The following SLC24A2 variants were observed in gnomAD, a reference collection of about 807,000 sequenced individuals.
SLC24A2 encodes the protein solute carrier family 24 member 2.
Under a neutral mutation model 62.0 loss-of-function variants are expected in SLC24A2, and 36 were observed. The ratio of observed to expected loss-of-function variants is 0.58; its 90% CI spans 0.44 to 0.77. SLC24A2 has a LOEUF of 0.77. Ranked by LOEUF, SLC24A2 falls within the 30% of genes least tolerant of loss-of-function variation. SLC24A2 has a pLI of 0.00. For synonymous variants in SLC24A2, 358 were observed against 294.0 expected (o/e 1.22, Z -2.23); for missense variants, 846 against 817.9 (o/e 1.03, Z -0.42).
chr9:19,795,931 T>C, the SLC24A2 span, among the ~76,000 whole-genome samples: 1 of 74,418 alleles, frequency 1.3e-5, no homozygotes, highest in Non-Finnish European at 5.0e-5. Context: ...CATGGAATAA[T>C]ATACAGCCAT....
Position 19,788,994 on chromosome 9 carries a change from C to A in SLC24A2, c.-263G>T. The A allele has an allele frequency of 2.1e-6, 2 of 962,994 alleles. No individual in the cohort carries two copies. The highest frequency in any genetic ancestry group is 2.5e-6 in the Non-Finnish European group (2 of 809,420). The allele number at this position is 962,994 out of a possible 1,614,324, so 59.7% of individuals were successfully genotyped here. ...TCTGAGGCCCGGGCTCTGGCTCGCA[C>A]TGGCTGCCGCTCTCGCCAGCCGGGC... is the stretch of plus-strand genomic sequence containing the variant. On this transcript the variant is annotated 5_prime_UTR_variant, in exon 1 of 11. Coordinates refer to ENST00000341998, the MANE Select transcript of SLC24A2 (RefSeq NM_020344.4).
At chr9:20,208,425 G>A in the SLC24A2 span, among the ~76,000 whole-genome samples, 11 of 152,174 alleles carry the variant, frequency 7.2e-5, no homozygotes, top group African/African-American at 2.4e-4. Context: ...CCATGATTCC[G>A]GGTGGTCTGT....
chr9:19,727,172 G>C (rs1220683714), intron 2 of SLC24A2, among the ~76,000 whole-genome samples: 1 of 152,138 alleles, frequency 6.6e-6, no homozygotes, highest in Non-Finnish European at 1.5e-5. Context: ...AAGCAAATCT[G>C]CTGGCATTTA....
At chr9:19,602,095 G>C (rs1162869180) in intron 4 of SLC24A2, among the ~76,000 whole-genome samples, 1 of 152,194 alleles carries the variant, frequency 6.6e-6, no homozygotes, top group African/African-American at 2.4e-5. Flanking sequence ...GGAGTCAATA[G>C]ATATGGGTTC....
At chr9:19,837,310 G>T in the SLC24A2 span, among the ~76,000 whole-genome samples, 1 of 150,838 alleles carries the variant, frequency 6.6e-6, no homozygotes, top group Admixed American at 6.6e-5. Flanking sequence ...AAATTAGCCG[G>T]GTGCGGTGGC....
At chr9:19,694,994 C>G (rs1393706469) in intron 2 of SLC24A2, among the ~76,000 whole-genome samples, 1 of 141,112 alleles carries the variant, frequency 7.1e-6, no homozygotes, top group Admixed American at 8.0e-5. Context: ...GAGAGAAGGC[C>G]GTTGGGGATT....
intron 2 of SLC24A2, among the ~76,000 whole-genome samples, chr9:19,729,306 A>G (rs1171257844): frequency 6.6e-6 from 1 of 152,222 alleles, no homozygotes; most frequent in Non-Finnish European, 1.5e-5. Context: ...GGAAAATAGT[A>G]TGGAGGTTCC....
chr9:19,909,077 T>G, the SLC24A2 span, among the ~76,000 whole-genome samples: 1 of 152,062 alleles, frequency 6.6e-6, no homozygotes, highest in African/African-American at 2.4e-5. Context: ...GACTTGGAAC[T>G]AACCCAAATG....
At chr9:20,240,556 G>C in the SLC24A2 span, among the ~76,000 whole-genome samples, 2 of 152,198 alleles carry the variant, frequency 1.3e-5, no homozygotes, top group Non-Finnish European at 2.9e-5. Flanking sequence ...GCCAAACTAA[G>C]CAGCTTCCTT....
chr9:20,301,896 C>T, the SLC24A2 span, among the ~76,000 whole-genome samples: 28 of 152,262 alleles, frequency 1.8e-4, no homozygotes, highest in East Asian at 3.1e-3. Context: ...TGTACTCTGC[C>T]TATTCACCTC....
the SLC24A2 span, among the ~76,000 whole-genome samples, chr9:19,882,566 C>T: frequency 3.3e-5 from 5 of 151,734 alleles, no homozygotes; most frequent in African/African-American, 9.7e-5. Context: ...ATGGAAATCA[C>T]AGTCCTGACT....
At chr9:20,208,004 C>G in the SLC24A2 span, among the ~76,000 whole-genome samples, 1 of 152,168 alleles carries the variant, frequency 6.6e-6, no homozygotes, top group African/African-American at 2.4e-5. Context: ...AGAACCTCTG[C>G]CTTCAATGGA....
At chr9:19,684,038 G>C (rs1819801053) in intron 2 of SLC24A2, among the ~76,000 whole-genome samples, 1 of 152,126 alleles carries the variant, frequency 6.6e-6, no homozygotes, top group South Asian at 2.1e-4. Context: ...GAACTCACTG[G>C]ATTGAAAGAA....
At chr9:20,086,304 G>C in the SLC24A2 span, among the ~76,000 whole-genome samples, 91 of 152,178 alleles carry the variant, frequency 6.0e-4, no homozygotes, top group African/African-American at 2.1e-3. Flanking sequence ...CACATGGCCC[G>C]TATTTCCAGT....
chr9:20,223,823 C>A, the SLC24A2 span, among the ~76,000 whole-genome samples: 11 of 152,070 alleles, frequency 7.2e-5, no homozygotes, highest in South Asian at 2.1e-4. Flanking sequence ...TCTGTTTTCA[C>A]ACTGCTATAA....
At chr9:20,005,302 T>C in the SLC24A2 span, among the ~76,000 whole-genome samples, 5 of 152,284 alleles carry the variant, frequency 3.3e-5, no homozygotes, top group African/African-American at 1.2e-4. Context: ...GGGGCAAAGA[T>C]GACTAACCTC....
At chr9:20,242,206 G>T in the SLC24A2 span, among the ~76,000 whole-genome samples, 1 of 152,120 alleles carries the variant, frequency 6.6e-6, no homozygotes, top group Non-Finnish European at 1.5e-5. Context: ...CAGTCTACCA[G>T]TCCATAAAAT....
chr9:19,696,962 C>T (rs540343075), intron 2 of SLC24A2, among the ~76,000 whole-genome samples: 2 of 152,060 alleles, frequency 1.3e-5, no homozygotes, highest in African/African-American at 4.8e-5. Flanking sequence ...TATAATAGAT[C>T]CCAATACATC....
the SLC24A2 span, among the ~76,000 whole-genome samples, chr9:19,894,841 A>G: frequency 1.3e-5 from 2 of 152,222 alleles, no homozygotes; most frequent in African/African-American, 2.4e-5. Flanking sequence ...TCTTTGAGGA[A>G]TGGCCTAAGA....
Sources: gnomAD v4.1 joint callset for allele counts (sites outside exome capture counted in the v4.1 genomes callset) on GRCh38, gnomAD v4.1.1 for gene constraint, MANE v1.5 for transcripts, NCBI Gene and HGNC (gene_info 2026-07-23, HGNC 2026-07-21) for gene names.